VPS26B: variants seen among roughly 807,000 people sequenced by gnomAD.
The protein encoded by VPS26B is vacuolar protein sorting-associated protein 26B.
Under a neutral mutation model 33.3 loss-of-function variants are expected in VPS26B, and 10 were observed. The observed-to-expected ratio is 0.30, with a 90% CI of 0.19 to 0.51. VPS26B has a LOEUF of 0.51. VPS26B is among the 20% of genes least tolerant of loss of function. The pLI, the probability that VPS26B is intolerant of heterozygous loss-of-function variation, is 0.98. For missense variants in VPS26B, 317 were observed against 452.7 expected (o/e 0.70, Z 2.72); for synonymous variants, 190 against 176.9 (o/e 1.07, Z -0.59).
intron 4 of VPS26B, 137 bp downstream of exon 4, chr11:134,243,431 C>T: frequency 9.2e-7 from 1 of 1,086,666 alleles, no homozygotes; most frequent in Non-Finnish European, 1.3e-6. Flanking sequence ...TCTCAGTTTA[C>T]ACCGTGGGTG....
chr11:134,239,552 T>C lies in VPS26B; in HGVS notation c.381-439T>C, dbSNP rs569191182. On this transcript the variant is annotated intron_variant, in intron 2 of 5. Transcript: ENST00000281187. ...TTGAATATTGTTCGGTGAACAAACA[T>C]GCAAAGATAAAACTACGAGACGGAC... is the stretch of plus-strand genomic sequence containing the variant. The C allele has an allele frequency of 6.5e-5, 12 of 185,460 alleles. No individual in the cohort carries two copies. The South Asian group carries it at 1.3e-3, about 20-fold the overall frequency. 11.5% of individuals were successfully genotyped at this position (185,460 alleles called of 1,614,324 possible).
At chr11:134,239,073 G>A (rs145106481) in intron 2 of VPS26B, among the ~76,000 whole-genome samples, 107 of 152,224 alleles carry the variant, frequency 7.0e-4, no homozygotes, top group African/African-American at 2.5e-3. Flanking sequence ...GCTAAGTGCC[G>A]GGGATGACAG....
chr11:134,235,197 T>A, intron 2 of VPS26B, 144 bp downstream of exon 2: 1 of 1,058,754 alleles, frequency 9.4e-7, no homozygotes, highest in Non-Finnish European at 1.3e-6. Flanking sequence ...GGTAAACCAT[T>A]AACCGTGGGC....
At chr11:134,228,221 G>C (rs1258298515) in intron 1 of VPS26B, among the ~76,000 whole-genome samples, 2 of 150,500 alleles carry the variant, frequency 1.3e-5, no homozygotes, top group Non-Finnish European at 3.0e-5. Context: ...ATACACACAT[G>C]GACAGGGAGT....
chr11:134,242,183 G>A (rs547314731), intron 3 of VPS26B, among the ~76,000 whole-genome samples: 52 of 152,294 alleles, frequency 3.4e-4, no homozygotes, highest in African/African-American at 1.1e-3. Flanking sequence ...GTCTCCTGCT[G>A]CTTTTGCAAA....
rs1938804140 is a variant in VPS26B, at chr11:134,245,696, C to T, written c.*106C>T. 3 of 1,352,240 alleles carry T rather than the reference C, an allele frequency of 2.2e-6. No homozygotes were observed. The highest frequency in any genetic ancestry group is 3.0e-6 in the Non-Finnish European group (3 of 1,013,946). 83.8% of individuals were successfully genotyped at this position (1,352,240 alleles called of 1,614,324 possible). The stretch of plus-strand genomic sequence containing the variant: ...CTTGTGAGGCTCAGTTGACCCGTTA[C>T]TTGCAACCTGAAAACAAATCATGTT... On this transcript the variant is annotated 3_prime_UTR_variant, in exon 6 of 6. Transcript: ENST00000281187. This position sits in a 1 kb window ranked among gnomAD's most constrained non-coding sequence, Gnocchi z 4.7.
rs982822432 is a variant in VPS26B, at chr11:134,240,059, A to C, written c.449A>C (p.His150Pro). Residue 150 changes from histidine (H) to proline (P), a missense_variant, in exon 3 of 6, where the codon CAC becomes CCC. His to Pro is a moderately conservative substitution (Grantham distance 77). Coordinates refer to ENST00000281187, the MANE Select transcript of VPS26B (RefSeq NM_052875.5). This position sits in a 1 kb window ranked among gnomAD's most constrained non-coding sequence, Gnocchi z 4.4. ...DVVKEMDIVV[H>P]TLSTYPELNS... ...GTCAAAGAGATGGACATTGTAGTTC[A>C]CACACTCAGCACATACCCAGAGCTG... 1.9e-6 allele frequency: 3 copies of C among 1,614,200 alleles called. No individual in the cohort carries two copies. The Admixed American group carries it at 5.0e-5, about 27-fold the overall frequency.
Position 134,244,823 on chromosome 11 carries a change from CT to C in VPS26B, c.722-114del. On this transcript the variant is annotated intron_variant, in intron 4 of 5. Coordinates refer to ENST00000281187, the MANE Select transcript of VPS26B (RefSeq NM_052875.5). This position sits in a 1 kb window ranked among gnomAD's most constrained non-coding sequence, Gnocchi z 4.0. ...AGAGCGACTGCACCTTCCCAGAAGG[CT>C]GAAGTGCTCGTGTGCTGCACTCCAG... is the stretch of plus-strand genomic sequence containing the variant. 1 of 1,405,906 alleles carries C rather than the reference CT, an allele frequency of 7.1e-7. No homozygotes were observed. Among genetic ancestry groups the C allele is most frequent in the Non-Finnish European group, 9.4e-7 (1 of 1,061,406 alleles). The allele number at this position is 1,405,906 out of a possible 1,614,324, so 87.1% of individuals were successfully genotyped here.
intron 2 of VPS26B, 45 bp downstream of exon 2, chr11:134,235,098 C>T (rs1160697435): frequency 6.3e-7 from 1 of 1,583,232 alleles, no homozygotes; most frequent in Admixed American, 1.8e-5. Flanking sequence ...AGAACCTGCC[C>T]CATGTGGACA....
At chr11:134,243,698 C>G (rs552730639) in intron 4 of VPS26B, 3 of 167,176 alleles carry the variant, frequency 1.8e-5, no homozygotes, top group African/African-American at 7.1e-5. Context: ...TGACTTGGCT[C>G]TAGCTCCGAT....
chr11:134,245,300 G>A lies in VPS26B; in HGVS notation c.865-144G>A. ...TTTGGCCCACACCAGGGACAGGGAG[G>A]TGCTGGCAGCTGCTGCCTTTGGTGA... On this transcript the variant is annotated intron_variant, in intron 5 of 5. Coordinates refer to ENST00000281187, the MANE Select transcript of VPS26B (RefSeq NM_052875.5). The surrounding 1 kb of genome is among the most constrained non-coding windows in gnomAD (Gnocchi z 4.7). 1 of 1,344,742 alleles carries A rather than the reference G, an allele frequency of 7.4e-7. No individual in the cohort carries two copies. The highest frequency in any genetic ancestry group is 2.2e-5 in the Admixed American group (1 of 46,082). The allele number at this position is 1,344,742 out of a possible 1,614,324, so 83.3% of individuals were successfully genotyped here.
rs1215641613 is a variant in VPS26B, at chr11:134,244,394, CAT to C, written c.722-543_722-542del. 2.0e-5 allele frequency: 3 copies of C among 152,576 alleles called. No individual in the cohort carries two copies. The highest frequency in any genetic ancestry group is 6.5e-5 in the Admixed American group (1 of 15,318). 9.5% of individuals were successfully genotyped at this position (152,576 alleles called of 1,614,324 possible). A position where few individuals can be genotyped will look rare whatever the true frequency, so the allele number is the denominator to read the frequency against. On this transcript the variant is annotated intron_variant, in intron 4 of 5. Coordinates refer to ENST00000281187, the MANE Select transcript of VPS26B (RefSeq NM_052875.5). The surrounding 1 kb of genome is among the most constrained non-coding windows in gnomAD (Gnocchi z 4.0). ...CGCAGTCCGATTCTCTAATTTTCCA[CAT>C]GAGAAAATGAAGGTCCAGAGGAAGC...
chr11:134,236,401 G>C (rs1355218426), intron 2 of VPS26B: 1 of 152,048 alleles, frequency 6.6e-6, no homozygotes, highest in Admixed American at 6.5e-5. Flanking sequence ...GTATAGCAGT[G>C]CCTCAAAAAA....
At chr11:134,229,276 G>T (rs1565354681) in intron 1 of VPS26B, among the ~76,000 whole-genome samples, 1 of 152,064 alleles carries the variant, frequency 6.6e-6, no homozygotes, top group Non-Finnish European at 1.5e-5. Context: ...TCCTGCCTTG[G>T]CCTCCCAGAG....
rs201253765 is a variant in VPS26B at position 134,244,948 on chromosome 11, C to A, written c.732C>A (p.Ile244=). 7.4e-6 allele frequency: 12 copies of A among 1,613,196 alleles called. No individual in the cohort carries two copies. ...MDGAPVRGES[I]PIRLFLAGYE... is the part of the protein sequence containing the mutation. ...GCCCTCCCCCTACAGGAGAGTCCAT[C>A]CCGATCCGGCTCTTCCTGGCCGGGT... Residue 244 remains isoleucine (I), a synonymous_variant, in exon 5 of 6, where the codon ATC becomes ATA. Coordinates refer to ENST00000281187, the MANE Select transcript of VPS26B (RefSeq NM_052875.5). The surrounding 1 kb of genome is among the most constrained non-coding windows in gnomAD (Gnocchi z 4.0).
intron 4 of VPS26B, 97 bp downstream of exon 4, chr11:134,243,391 G>A (rs1403406691): frequency 7.1e-7 from 1 of 1,405,124 alleles, no homozygotes; most frequent in African/African-American, 1.4e-5. Context: ...GTCAAAATAA[G>A]ATGTCCTCTT....
intron 1 of VPS26B, among the ~76,000 whole-genome samples, chr11:134,232,166 C>G (rs34536650): frequency 1.7e-4 from 26 of 149,152 alleles, no homozygotes; most frequent in African/African-American, 6.3e-4. Context: ...TAGCCTGACA[C>G]GTCTGGTCCC....
Position 134,225,225 on chromosome 11 carries a change from G to T in VPS26B, c.103G>T (p.Glu35Ter). ...GCACAAGACGGAGGACGGGAAGAAG[G>T]AGAAATATTTCCTCTTCTACGACGG... is the stretch of plus-strand genomic sequence containing the variant. ...AEHKTEDGKK[E>*]KYFLFYDGET... Residue 35 changes from glutamate to a stop codon, truncating the protein, a stop_gained, in exon 1 of 6, where the codon GAG becomes TAG. Coordinates refer to ENST00000281187, the MANE Select transcript of VPS26B (RefSeq NM_052875.5). LOFTEE classifies it high-confidence loss of function. The T allele has an allele frequency of 6.2e-7, 1 of 1,614,160 alleles. No individual in the cohort carries two copies. The highest frequency in any genetic ancestry group is 8.5e-7 in the Non-Finnish European group (1 of 1,180,004).
Position 134,240,201 on chromosome 11 carries a change from T to C in VPS26B, c.545+46T>C. 1 of 1,601,974 alleles carries C rather than the reference T, an allele frequency of 6.2e-7. No homozygotes were observed. Among genetic ancestry groups the C allele is most frequent in the Non-Finnish European group, 8.5e-7 (1 of 1,170,894 alleles). ...GTTGTGAAATGATTATTTAAGGAGG[T>C]TAAGATGGGACTTGATGCAGATGCA... On this transcript the variant is annotated intron_variant, in intron 3 of 5. Transcript: ENST00000281187. This position sits in a 1 kb window ranked among gnomAD's most constrained non-coding sequence, Gnocchi z 4.4.
Sources: gnomAD v4.1 joint callset for allele counts (sites outside exome capture counted in the v4.1 genomes callset) on GRCh38, gnomAD v4.1.1 for gene constraint, Gnocchi (gnomAD v3.1) non-coding constraint, MANE v1.5 for transcripts, NCBI Gene and HGNC (gene_info 2026-07-23, HGNC 2026-07-21) for gene names.